The following ACKR3 variants were observed in gnomAD, a reference collection of about 807,000 sequenced individuals.
ACKR3 encodes atypical chemokine receptor 3.
In ACKR3, 6 loss-of-function variants were observed where a neutral mutation model predicts 22.4. The observed-to-expected ratio is 0.27, with a 90% CI of 0.15 to 0.53. The LOEUF is 0.53. Ranked by LOEUF, ACKR3 falls within the 20% of genes least tolerant of loss-of-function variation. ACKR3 has a pLI of 0.96. For missense variants in ACKR3, 396 were observed against 475.2 expected (o/e 0.83, Z 1.55); for synonymous variants, 209 against 205.2 (o/e 1.02, Z -0.16).
chr2:236,575,251 C>T (rs1235973024), intron 1 of ACKR3, among the ~76,000 whole-genome samples: 2 of 152,184 alleles, frequency 1.3e-5, no homozygotes, highest in African/African-American at 4.8e-5. Context: ...TCCTTTTGTT[C>T]CCTCCTCCTA....
chr2:236,566,096 C>G (rs978153154), upstream of ACKR3, among the ~76,000 whole-genome samples: 26 of 152,198 alleles, frequency 1.7e-4, no homozygotes, highest in African/African-American at 2.4e-5. Context: ...CGCTCTGGCC[C>G]GCCAGGATCC....
rs1318725888 is a variant in ACKR3, at chr2:236,580,559, G to T, written c.94G>T (p.Val32Leu). The part of the protein sequence containing the change: ...NSSDCIVVDT[V>L]MCPNMPNKSV... ...CAGCGACTGCATCGTGGTGGACACG[G>T]TGATGTGTCCCAACATGCCCAACAA... Residue 32 changes from valine to leucine, a missense_variant, in exon 2 of 2, where the codon GTG becomes TTG. By Grantham distance (32) the Val-to-Leu change is conservative. Coordinates refer to ENST00000272928, the MANE Select transcript of ACKR3 (RefSeq NM_020311.3). 1.2e-6 allele frequency: 2 copies of T among 1,614,080 alleles called. No homozygotes were observed. Among genetic ancestry groups the T allele is most frequent in the Non-Finnish European group, 1.7e-6 (2 of 1,180,038 alleles).
the ACKR3 span, among the ~76,000 whole-genome samples, chr2:236,552,858 C>T: frequency 6.6e-6 from 1 of 152,168 alleles, no homozygotes; most frequent in African/African-American, 2.4e-5. Flanking sequence ...GTACGGGCCT[C>T]TTCCCAGGCC....
the ACKR3 span, among the ~76,000 whole-genome samples, chr2:236,546,721 A>G: frequency 1.3e-5 from 2 of 152,178 alleles, no homozygotes; most frequent in African/African-American, 4.8e-5. The surrounding 1 kb of genome is among the most constrained non-coding windows in gnomAD (Gnocchi z 4.9). Flanking sequence ...CTGCCTGGGG[A>G]TGGGGAGCCT....
intron 1 of ACKR3, among the ~76,000 whole-genome samples, chr2:236,579,245 A>C (rs756600880): frequency 6.6e-6 from 1 of 152,164 alleles, no homozygotes; most frequent in Admixed American, 6.5e-5. Context: ...AATCCACTTT[A>C]AATGAACTCG....
upstream of ACKR3, among the ~76,000 whole-genome samples, chr2:236,568,841 GGTGCCTT>G (rs1691245366): frequency 6.6e-6 from 1 of 152,150 alleles, no homozygotes; most frequent in African/African-American, 2.4e-5. Flanking sequence ...GAATACAGCT[GGTGCCTT>G]CATACACTCC....
the ACKR3 span, among the ~76,000 whole-genome samples, chr2:236,545,039 A>G: frequency 1.3e-5 from 2 of 152,176 alleles, no homozygotes; most frequent in African/African-American, 4.8e-5. This position sits in a 1 kb window ranked among gnomAD's most constrained non-coding sequence, Gnocchi z 5.3. Context: ...GGGAAGACAC[A>G]TGGCCCCCAA....
intron 1 of ACKR3, among the ~76,000 whole-genome samples, chr2:236,570,958 G>T (rs1296557084): frequency 6.6e-6 from 1 of 152,176 alleles, no homozygotes; most frequent in Non-Finnish European, 1.5e-5. Flanking sequence ...TTGGTGCAGT[G>T]ACATCCCCTG....
chr2:236,548,652 C>G, the ACKR3 span, among the ~76,000 whole-genome samples: 1 of 152,150 alleles, frequency 6.6e-6, no homozygotes, highest in Non-Finnish European at 1.5e-5. The surrounding 1 kb of genome is among the most constrained non-coding windows in gnomAD (Gnocchi z 4.3). Context: ...CACTGTAAAC[C>G]TTACGGGCAA....
At chr2:236,552,710 G>T in the ACKR3 span, among the ~76,000 whole-genome samples, 1 of 152,140 alleles carries the variant, frequency 6.6e-6, no homozygotes, top group Non-Finnish European at 1.5e-5. Context: ...CTGCGTGTAG[G>T]AAACTTGGAG....
the ACKR3 span, among the ~76,000 whole-genome samples, chr2:236,556,976 C>T: frequency 2.0e-5 from 3 of 152,242 alleles, no homozygotes; most frequent in African/African-American, 7.2e-5. Flanking sequence ...ACATGAGCCA[C>T]TGCACCCGGC....
intron 1 of ACKR3, among the ~76,000 whole-genome samples, chr2:236,573,412 G>C (rs1241245857): frequency 6.6e-6 from 1 of 152,204 alleles, no homozygotes; most frequent in South Asian, 2.1e-4. Context: ...TCTGTTCTTA[G>C]CCACAAGCGC....
upstream of ACKR3, among the ~76,000 whole-genome samples, chr2:236,563,172 T>C (rs978732277): frequency 6.6e-6 from 1 of 152,360 alleles, no homozygotes; most frequent in African/African-American, 2.4e-5. Context: ...CCCTGGATAC[T>C]GTCCCCCTGC....
chr2:236,557,748 C>G, the ACKR3 span, among the ~76,000 whole-genome samples: 1 of 152,278 alleles, frequency 6.6e-6, no homozygotes, highest in South Asian at 2.1e-4. Flanking sequence ...AGTGGAACAG[C>G]CTGACAGCCA....
the ACKR3 span, among the ~76,000 whole-genome samples, chr2:236,540,704 T>C: frequency 0.017 from 2,583 of 152,318 alleles, 86 homozygotes; most frequent in African/African-American, 0.059. Context: ...GTTCATTTTT[T>C]TCCTCACGTG....
the ACKR3 span, among the ~76,000 whole-genome samples, chr2:236,550,582 C>A: frequency 0.02 from 3,004 of 152,216 alleles, 92 homozygotes; most frequent in African/African-American, 0.069. The surrounding 1 kb of genome is among the most constrained non-coding windows in gnomAD (Gnocchi z 4.6). Flanking sequence ...TAGCTTCCGG[C>A]AATGTGGGCT....
upstream of ACKR3, among the ~76,000 whole-genome samples, chr2:236,562,794 C>T (rs1424499586): frequency 1.3e-5 from 2 of 152,164 alleles, no homozygotes; most frequent in Non-Finnish European, 2.9e-5. Context: ...GATACTGTCA[C>T]ACTTGCATTA....
chr2:236,537,833 A>G, the ACKR3 span, among the ~76,000 whole-genome samples: 1 of 152,190 alleles, frequency 6.6e-6, no homozygotes, highest in Non-Finnish European at 1.5e-5. Flanking sequence ...AAAAGGGTTA[A>G]TGTTCTTATC....
chr2:236,557,505 C>T, the ACKR3 span, among the ~76,000 whole-genome samples: 1 of 152,028 alleles, frequency 6.6e-6, no homozygotes, highest in Admixed American at 6.5e-5. Flanking sequence ...GAATGATGGC[C>T]ATATATTGAA....
Sources: allele counts gnomAD v4.1 joint callset (sites outside exome capture counted in the v4.1 genomes callset), GRCh38; gene constraint gnomAD v4.1.1; non-coding constraint Gnocchi (gnomAD v3.1); transcripts MANE v1.5; gene names NCBI Gene and HGNC (gene_info 2026-07-23, HGNC 2026-07-21).